The following COL28A1 variants were observed in gnomAD, a reference collection of about 807,000 sequenced individuals.
The protein encoded by COL28A1 is collagen alpha-1(XXVIII) chain.
Under a neutral mutation model 150.2 loss-of-function variants are expected in COL28A1, and 161 were observed. That is an observed-to-expected ratio of 1.07 (90% CI 0.94 to 1.22). The LOEUF (loss-of-function observed/expected upper bound fraction) is 1.22. Among genes scored for constraint, COL28A1 ranks in the 50% most tolerant of loss-of-function variants. The pLI, the probability that COL28A1 is intolerant of heterozygous loss-of-function variation, is 0.00. For missense variants in COL28A1, 1,617 were observed against 1,388.3 expected (o/e 1.16, Z -2.62); for synonymous variants, 552 against 469.7 (o/e 1.18, Z -2.26).
intron 13 of COL28A1, among the ~76,000 whole-genome samples, chr7:7,477,688 C>T (rs1789017963): frequency 6.6e-6 from 1 of 152,196 alleles, no homozygotes; most frequent in Admixed American, 6.5e-5. Flanking sequence ...AATGTTACAG[C>T]TCATATAGGC....
chr7:7,371,863 C>T (rs896911181), intron 32 of COL28A1, among the ~76,000 whole-genome samples: 5 of 152,104 alleles, frequency 3.3e-5, no homozygotes, highest in South Asian at 4.2e-4. Context: ...GACAGAGTCT[C>T]GCTCTGTCGC....
At chr7:7,376,602 A>T (rs1259682522) in intron 30 of COL28A1, among the ~76,000 whole-genome samples, 2 of 152,136 alleles carry the variant, frequency 1.3e-5, no homozygotes, top group Middle Eastern at 6.3e-3. Flanking sequence ...CATTTAAAAA[A>T]ATCCGAAACA....
At chr7:7,381,637 G>A (rs1781879934) in intron 27 of COL28A1, 25 bp from the exon 28 acceptor site, 3 of 1,578,788 alleles carry the variant, frequency 1.9e-6, no homozygotes, top group Non-Finnish European at 2.6e-6. Flanking sequence ...AGAAAGAGAT[G>A]TTCTATTAAT....
At chr7:7,509,233 C>G (rs1780992178) in intron 9 of COL28A1, among the ~76,000 whole-genome samples, 1 of 152,060 alleles carries the variant, frequency 6.6e-6, no homozygotes, top group Non-Finnish European at 1.5e-5. Flanking sequence ...TGGACTCAAG[C>G]AATCTTCCCA....
At chr7:7,342,910 A>T in the COL28A1 span, among the ~76,000 whole-genome samples, 1 of 151,720 alleles carries the variant, frequency 6.6e-6, no homozygotes, top group Non-Finnish European at 1.5e-5. Context: ...TTTTTTATAT[A>T]ACTTATTTAG....
At chr7:7,369,308 G>A (rs1781098148) in intron 33 of COL28A1, among the ~76,000 whole-genome samples, 2 of 152,204 alleles carry the variant, frequency 1.3e-5, no homozygotes, top group South Asian at 4.1e-4. Flanking sequence ...GCAAACCACT[G>A]TGGGCCAAAT....
chr7:7,493,379 A>G (rs558896112), intron 11 of COL28A1, among the ~76,000 whole-genome samples: 2 of 152,264 alleles, frequency 1.3e-5, no homozygotes, highest in South Asian at 4.1e-4. Context: ...AAATGTATGG[A>G]TCAGGAGAAT....
In COL28A1 at chr7:7,533,537, CAA is replaced by C. The variant is rs1227907061; in HGVS notation, c.-37-627_-37-626del. ...GTTCAAAGCTGCATATGCAATGAAT[CAA>C]AAGAGTATGAGAGCAAAAATAATAG... is the stretch of plus-strand genomic sequence containing the variant. On this transcript the variant is annotated intron_variant, in intron 1 of 34. Coordinates refer to ENST00000399429, the MANE Select transcript of COL28A1 (RefSeq NM_001037763.3). 2.6e-5 allele frequency among the ~76,000 whole-genome samples: 4 copies of C among 152,096 alleles called. No individual in the cohort carries two copies. The East Asian group carries it at 7.7e-4, about 29-fold the overall frequency.
At chr7:7,339,175 ACAG>A in the COL28A1 span, among the ~76,000 whole-genome samples, 1 of 152,160 alleles carries the variant, frequency 6.6e-6, no homozygotes, top group South Asian at 2.1e-4. Context: ...CATTTGTTAT[ACAG>A]CAATAGCTGA....
At chr7:7,344,689 C>G in the COL28A1 span, among the ~76,000 whole-genome samples, 1 of 151,950 alleles carries the variant, frequency 6.6e-6, no homozygotes, top group African/African-American at 2.4e-5. Flanking sequence ...AAATTAGCAT[C>G]TAGTGGGTAG....
At chr7:7,499,582 T>C (rs1018391571) in intron 11 of COL28A1, among the ~76,000 whole-genome samples, 3 of 152,232 alleles carry the variant, frequency 2.0e-5, no homozygotes, top group African/African-American at 7.2e-5. Flanking sequence ...TATAAGGAAT[T>C]ATATCCTGTT....
At chr7:7,371,004 T>G in intron 32 of COL28A1, 122 bp from the exon 33 acceptor site, 8 of 674,656 alleles carry the variant, frequency 1.2e-5, no homozygotes, top group African/African-American at 1.8e-5. Flanking sequence ...AATCAACTGC[T>G]AAGTTAACGA....
the COL28A1 span, among the ~76,000 whole-genome samples, chr7:7,541,380 G>A: frequency 6.6e-6 from 1 of 151,902 alleles, no homozygotes; most frequent in Non-Finnish European, 1.5e-5. Flanking sequence ...CAGAAATAAA[G>A]TACCTATTAT....
intron 33 of COL28A1, among the ~76,000 whole-genome samples, chr7:7,362,499 TTG>T (rs1261326529): frequency 6.6e-6 from 1 of 152,224 alleles, no homozygotes; most frequent in Non-Finnish European, 1.5e-5. Flanking sequence ...TTGATTTTTT[TTG>T]TGTGTGCATG....
intron 23 of COL28A1, among the ~76,000 whole-genome samples, chr7:7,433,694 T>C (rs992355172): frequency 5.3e-5 from 8 of 152,176 alleles, no homozygotes; most frequent in African/African-American, 1.9e-4. Flanking sequence ...ATTTAAAACT[T>C]GTAATACTTC....
At chr7:7,398,746 G>A (rs192133938) in intron 27 of COL28A1, among the ~76,000 whole-genome samples, 132 of 152,278 alleles carry the variant, frequency 8.7e-4, no homozygotes, top group Non-Finnish European at 1.4e-3. Flanking sequence ...TAAATACAGA[G>A]AGACAGGGTT....
chr7:7,507,144 A>C lies in COL28A1; in HGVS notation c.945T>G (p.Tyr315Ter), dbSNP rs2115123303. Residue 315 changes from tyrosine to a stop codon, truncating the protein, a stop_gained, in exon 10 of 35, where the codon TAT becomes TAG. Transcript: ENST00000399429. LOFTEE classifies it high-confidence loss of function. The part of the protein sequence containing the change: ...IKGDKGSPGP[Y>*]GPKGPRGIQG... Reference sequence around the variant, plus strand: ...GAATTCCTCTGGGTCCCTTTGGTCCATATGGCCCTGGGGATCCCTGTGGAA... The same window carrying C: ...GAATTCCTCTGGGTCCCTTTGGTCCCTATGGCCCTGGGGATCCCTGTGGAA... 7.8e-7 allele frequency: 1 copy of C among 1,279,248 alleles called. No individual in the cohort carries two copies. Among genetic ancestry groups the C allele is most frequent in the East Asian group, 2.3e-5 (1 of 43,012 alleles). The allele number at this position is 1,279,248 out of a possible 1,614,324, so 79.2% of individuals were successfully genotyped here.
intron 30 of COL28A1, among the ~76,000 whole-genome samples, chr7:7,376,266 A>G (rs960523875): frequency 6.6e-6 from 1 of 152,232 alleles, no homozygotes; most frequent in Non-Finnish European, 1.5e-5. Flanking sequence ...CTAGATCTCA[A>G]CAGGAAGGAC....
intron 27 of COL28A1, among the ~76,000 whole-genome samples, chr7:7,387,897 C>A (rs538159304): frequency 6.6e-6 from 1 of 152,258 alleles, no homozygotes; most frequent in African/African-American, 2.4e-5. Flanking sequence ...AGACCTAAAA[C>A]AAAGCTGCAG....
Sources: allele counts gnomAD v4.1 joint callset (sites outside exome capture counted in the v4.1 genomes callset), GRCh38; gene constraint gnomAD v4.1.1; transcripts MANE v1.5; gene names NCBI Gene and HGNC (gene_info 2026-07-23, HGNC 2026-07-21).